Variants in CPNE4 observed in about 807,000 individuals in gnomAD.
The protein encoded by CPNE4 is copine-4.
A neutral mutation model predicts 67.9 loss-of-function variants in CPNE4; 25 were observed. The ratio of observed to expected loss-of-function variants is 0.37; its 90% CI spans 0.27 to 0.51. The LOEUF is 0.51. Ranked by LOEUF, CPNE4 falls within the 20% of genes least tolerant of loss-of-function variation. CPNE4 has a pLI of 0.93. For missense variants in CPNE4, 464 were observed against 690.8 expected (o/e 0.67, Z 3.68); for synonymous variants, 242 against 244.9 (o/e 0.99, Z 0.11).
chr3:131,547,022 T>G (rs6762136), intron 14 of CPNE4, among the ~76,000 whole-genome samples: 3 of 152,082 alleles, frequency 2.0e-5, no homozygotes, highest in African/African-American at 2.4e-5. Flanking sequence ...AATGGTCACA[T>G]CCAAACCTTA....
chr3:131,647,391 A>T (rs2079693214), intron 7 of CPNE4, among the ~76,000 whole-genome samples: 1 of 152,224 alleles, frequency 6.6e-6, no homozygotes, highest in Non-Finnish European at 1.5e-5. Context: ...CAGCTAGTGG[A>T]GAAGAGCATT....
At chr3:131,659,692 G>C (rs1430184108) in intron 7 of CPNE4, among the ~76,000 whole-genome samples, 1 of 152,036 alleles carries the variant, frequency 6.6e-6, no homozygotes, top group Non-Finnish European at 1.5e-5. Context: ...CATCTCTTTT[G>C]GCCTCTTCCC....
chr3:131,581,533 G>T, intron 9 of CPNE4, 46 bp downstream of exon 9: 2 of 1,266,810 alleles, frequency 1.6e-6, no homozygotes, highest in Non-Finnish European at 2.3e-6. Flanking sequence ...CTTCCTCTCA[G>T]ATAGCCCTAG....
chr3:131,760,411 T>C (rs1327558037), intron 2 of CPNE4, among the ~76,000 whole-genome samples: 1 of 152,168 alleles, frequency 6.6e-6, no homozygotes, highest in African/African-American at 2.4e-5. Context: ...ATTGCAGATT[T>C]GGTATTTGAA....
intron 2 of CPNE4, among the ~76,000 whole-genome samples, chr3:131,898,617 A>C (rs1208216788): frequency 1.3e-5 from 2 of 152,082 alleles, no homozygotes; most frequent in Non-Finnish European, 2.9e-5. Flanking sequence ...TAAGGAATCC[A>C]ATTAGTCACA....
At chr3:132,006,379 AG>A (rs1397158379) in intron 1 of CPNE4, among the ~76,000 whole-genome samples, 7 of 152,128 alleles carry the variant, frequency 4.6e-5, no homozygotes, top group Non-Finnish European at 1.0e-4. Flanking sequence ...ACTTGAAAAT[AG>A]GAATCTTTCT....
chr3:131,684,843 G>T lies in CPNE4; in HGVS notation c.591+1032C>A, dbSNP rs138999620. ...TAAAATAAAATGAAAAATGGAGATC[G>T]TGGTTAGTTGTTGAATGTGTGTGTG... On this transcript the variant is annotated intron_variant, in intron 6 of 15. Transcript: ENST00000429747. Among the ~76,000 whole-genome samples the T allele has an allele frequency of 1.8e-3, 275 of 152,228 alleles. 1 individual carries two copies. The highest frequency in any genetic ancestry group is 6.3e-3 in the African/African-American group (261 of 41,530).
At chr3:131,991,385 C>G (rs561938350) in intron 1 of CPNE4, among the ~76,000 whole-genome samples, 1 of 136,166 alleles carries the variant, frequency 7.3e-6, no homozygotes, top group African/African-American at 2.5e-5. Context: ...ACAATGAAAT[C>G]CAGGCTAAGG....
intron 1 of CPNE4, among the ~76,000 whole-genome samples, chr3:131,982,231 A>G (rs769767165): frequency 1.3e-5 from 2 of 152,232 alleles, no homozygotes; most frequent in Non-Finnish European, 2.9e-5. Context: ...AACTTTATGC[A>G]TTCAGATCTC....
chr3:131,891,661 G>A (rs2107742495), intron 2 of CPNE4, among the ~76,000 whole-genome samples: 1 of 152,170 alleles, frequency 6.6e-6, no homozygotes, highest in South Asian at 2.1e-4. Context: ...ACCTGTAAGT[G>A]AGAACAGGTG....
chr3:131,644,840 A>G (rs932785931), intron 7 of CPNE4, among the ~76,000 whole-genome samples: 4 of 152,230 alleles, frequency 2.6e-5, no homozygotes, highest in African/African-American at 9.6e-5. Context: ...GGCACAATCT[A>G]AAGTCCAAAT....
chr3:131,893,543 G>A (rs2088200753), intron 2 of CPNE4, among the ~76,000 whole-genome samples: 1 of 151,896 alleles, frequency 6.6e-6, no homozygotes, highest in African/African-American at 2.4e-5. Context: ...AAATTCACAT[G>A]GAATGTTCTC....
chr3:131,622,018 C>CAAAAAAAAAAAAAAAAA (rs34415771), intron 7 of CPNE4, among the ~76,000 whole-genome samples: 3 of 58,028 alleles, frequency 5.2e-5, no homozygotes, highest in African/African-American at 1.6e-4. Flanking sequence ...GACCCTGTCT[C>CAAAAAAAAAAAAAAAAA]AAAAAAAAAA....
intron 1 of CPNE4, among the ~76,000 whole-genome samples, chr3:132,015,751 G>A (rs1012326268): frequency 6.6e-6 from 1 of 152,178 alleles, no homozygotes; most frequent in African/African-American, 2.4e-5. Context: ...AGCCATTGAA[G>A]GGATCAAATG....
At chr3:131,555,599 T>C (rs771283890) in intron 11 of CPNE4, 48 bp from the exon 12 acceptor site, 112 of 1,522,904 alleles carry the variant, frequency 7.4e-5, no homozygotes, top group Admixed American at 1.4e-4. Flanking sequence ...GCTTCATTTA[T>C]TCATTTAATG....
At chr3:132,036,873 C>A (rs1019250691), upstream of CPNE4, among the ~76,000 whole-genome samples, 29 of 152,284 alleles carry the variant, frequency 1.9e-4, no homozygotes, top group Non-Finnish European at 3.4e-4. Context: ...ATGTGCTGAG[C>A]ATGTACTATT....
chr3:131,811,233 G>T (rs151221420), intron 2 of CPNE4, among the ~76,000 whole-genome samples: 6 of 151,984 alleles, frequency 3.9e-5, no homozygotes. Context: ...AAGGAGGTGG[G>T]AGAAAACTTT....
chr3:131,729,180 T>TA (rs2082072231), intron 2 of CPNE4, among the ~76,000 whole-genome samples: 1 of 152,138 alleles, frequency 6.6e-6, no homozygotes, highest in Admixed American at 6.5e-5. Flanking sequence ...TAGGTCTTGG[T>TA]AAAGAATGAC....
At chr3:131,775,024 C>T (rs112660801) in intron 2 of CPNE4, among the ~76,000 whole-genome samples, 7,708 of 152,244 alleles carry the variant, frequency 0.051, 265 homozygotes, top group Middle Eastern at 0.088. Flanking sequence ...AGTTCAGAAA[C>T]TGTCTTTTAA....
Sources: allele counts gnomAD v4.1 joint callset (sites outside exome capture counted in the v4.1 genomes callset), GRCh38; gene constraint gnomAD v4.1.1; transcripts MANE v1.5; gene names NCBI Gene and HGNC (gene_info 2026-07-23, HGNC 2026-07-21).